GPHN: variants seen among roughly 807,000 people sequenced by gnomAD.
The protein encoded by GPHN is gephyrin.
GPHN carries 17 observed loss-of-function variants against 95.5 expected under a neutral mutation model. The ratio of observed to expected loss-of-function variants is 0.18; its 90% CI spans 0.12 to 0.27. The LOEUF is 0.27. GPHN is among the 10% of genes least tolerant of loss of function. The pLI is 1.00. For missense variants in GPHN, 660 were observed against 978.1 expected, an observed-to-expected ratio of 0.67 and a Z score of 4.34; for synonymous variants, 320 against 322.5, an observed-to-expected ratio of 0.99 and a Z score of 0.08.
the GPHN span, chr14:67,364,585 C>A: frequency 1.8e-6 from 1 of 556,712 alleles, no homozygotes. Context: ...AAAATTAAAG[C>A]TTGGTTCCTG....
chr14:67,172,994 C>CT (rs1225883637), intron 21 of GPHN, among the ~76,000 whole-genome samples: 1 of 152,188 alleles, frequency 6.6e-6, no homozygotes, highest in African/African-American at 2.4e-5. Context: ...GGCAACCCTT[C>CT]TTCTCTGGAG....
At chr14:67,524,323 C>T in the GPHN span, among the ~76,000 whole-genome samples, 5 of 152,248 alleles carry the variant, frequency 3.3e-5, no homozygotes, top group Non-Finnish European at 5.9e-5. Flanking sequence ...CAATCCCTGT[C>T]GTAACTGCTA....
chr14:67,251,146 A>G, the GPHN span, among the ~76,000 whole-genome samples: 1 of 152,184 alleles, frequency 6.6e-6, no homozygotes, highest in Non-Finnish European at 1.5e-5. Context: ...TTTGTCTGTA[A>G]TATAGCCTGC....
intron 17 of GPHN, among the ~76,000 whole-genome samples, chr14:67,140,869 A>G (rs953296821): frequency 2.6e-5 from 4 of 152,256 alleles, no homozygotes; most frequent in African/African-American, 9.6e-5. Flanking sequence ...AAAAGGATAG[A>G]TGAGAAATCT....
the GPHN span, among the ~76,000 whole-genome samples, chr14:67,409,283 C>T: frequency 1.3e-5 from 2 of 151,266 alleles, no homozygotes; most frequent in African/African-American, 4.9e-5. Flanking sequence ...GTGACTCACA[C>T]CTCTAATCTC....
the GPHN span, chr14:67,578,519 CTG>C: frequency 1.3e-6 from 2 of 1,582,604 alleles, no homozygotes; most frequent in Non-Finnish European, 1.7e-6. This position sits in a 1 kb window ranked among gnomAD's most constrained non-coding sequence, Gnocchi z 5.0. Flanking sequence ...CCCACGCTGT[CTG>C]TGTCCCTGGC....
rs1335481432 is a variant in GPHN at position 66,552,967 on chromosome 14, T to C, written c.64+44376T>C. ...CTGTTTGGGATTGGCTAAACTTCTT[T>C]TTTTTTTTCTTTTTTCTTTTCTTTT... is the stretch of plus-strand genomic sequence containing the variant. On this transcript the variant is annotated intron_variant, in intron 1 of 22. Transcript: ENST00000478722. Among the ~76,000 whole-genome samples the C allele has an allele frequency of 2.6e-5, 4 of 151,762 alleles. No homozygotes were observed. In the South Asian group the frequency reaches 6.2e-4, roughly 24 times the overall value.
At chr14:67,289,583 T>C in the GPHN span, among the ~76,000 whole-genome samples, 1 of 151,980 alleles carries the variant, frequency 6.6e-6, no homozygotes, top group Non-Finnish European at 1.5e-5. Context: ...CTAAAGTTGT[T>C]TTGATTTGGG....
At chr14:67,387,385 C>T in the GPHN span, 32 of 1,610,806 alleles carry the variant, frequency 2.0e-5, no homozygotes, top group Admixed American at 5.0e-5. Context: ...TTGCTGCTGG[C>T]CTGAATGTAA....
chr14:66,899,127 T>C (rs560389459), intron 5 of GPHN, among the ~76,000 whole-genome samples: 1 of 151,652 alleles, frequency 6.6e-6, no homozygotes, highest in East Asian at 1.9e-4. Context: ...TTTTTCTTTT[T>C]TTTTTTTTTG....
At chr14:67,122,887 T>C (rs545258989) in intron 17 of GPHN, among the ~76,000 whole-genome samples, 1 of 152,330 alleles carries the variant, frequency 6.6e-6, no homozygotes, top group South Asian at 2.1e-4. Context: ...TGACTATAAT[T>C]ACTCAATTTT....
chr14:67,167,847 A>G (rs1453673983), intron 20 of GPHN, among the ~76,000 whole-genome samples: 1 of 152,232 alleles, frequency 6.6e-6, no homozygotes, highest in Non-Finnish European at 1.5e-5. Flanking sequence ...CCAAGATCAG[A>G]CAGCTTGGTT....
chr14:67,563,036 G>C, the GPHN span: 1 of 790,010 alleles, frequency 1.3e-6, no homozygotes, highest in Non-Finnish European at 2.0e-6. Flanking sequence ...CATGGAGCCT[G>C]TGCAGACCAC....
At chr14:67,262,251 T>C in the GPHN span, among the ~76,000 whole-genome samples, 2 of 152,176 alleles carry the variant, frequency 1.3e-5, no homozygotes, top group Non-Finnish European at 2.9e-5. Flanking sequence ...TTTGCCCTTC[T>C]AGCCTATCCC....
At chr14:67,587,472 A>G in the GPHN span, 9 of 554,260 alleles carry the variant, frequency 1.6e-5, no homozygotes, top group Non-Finnish European at 2.6e-5. Context: ...TTTCATAAGA[A>G]TAATGACTCC....
chr14:67,383,296 T>A, the GPHN span: 1 of 1,611,422 alleles, frequency 6.2e-7, no homozygotes, highest in Non-Finnish European at 8.5e-7. Flanking sequence ...AGTTTGAAAT[T>A]ATACCTCTGC....
chr14:66,928,157 A>G (rs1324128430), intron 8 of GPHN, among the ~76,000 whole-genome samples: 1 of 152,062 alleles, frequency 6.6e-6, no homozygotes, highest in Non-Finnish European at 1.5e-5. Context: ...CAGTGAAGGT[A>G]TTGGTTCTTT....
chr14:67,427,027 A>G, the GPHN span, among the ~76,000 whole-genome samples: 1 of 151,874 alleles, frequency 6.6e-6, no homozygotes, highest in Admixed American at 6.6e-5. Context: ...AGCCAAAGCA[A>G]TGGGAAAGCT....
the GPHN span, among the ~76,000 whole-genome samples, chr14:67,496,193 T>C: frequency 2.6e-5 from 4 of 152,082 alleles, no homozygotes; most frequent in Non-Finnish European, 5.9e-5. Flanking sequence ...TATGTCTTAT[T>C]ATTATTTTTA....
Sources: allele counts gnomAD v4.1 joint callset (sites outside exome capture counted in the v4.1 genomes callset), GRCh38; gene constraint gnomAD v4.1.1; non-coding constraint Gnocchi (gnomAD v3.1); transcripts MANE v1.5; gene names NCBI Gene and HGNC (gene_info 2026-07-23, HGNC 2026-07-21).